Variants in PXDN observed in about 807,000 individuals in gnomAD.
PXDN encodes the protein peroxidasin, also known as peroxidasin homolog.
PXDN carries 77 observed loss-of-function variants against 140.3 expected under a neutral mutation model. That is an observed-to-expected ratio of 0.55 (90% confidence interval 0.46 to 0.66). PXDN has a LOEUF of 0.66. Among genes scored for constraint, PXDN ranks in the 30% least tolerant of loss-of-function variants. The pLI is 0.00. For missense variants in PXDN, 1,838 were observed against 2,039.5 expected (o/e 0.90, Z 1.90); for synonymous variants, 911 against 857.4 (o/e 1.06, Z -1.09).
chr2:1,699,737 A>ACAAAC (rs201358132), intron 1 of PXDN, among the ~76,000 whole-genome samples: 10 of 149,952 alleles, frequency 6.7e-5, no homozygotes, highest in Non-Finnish European at 1.5e-4. Context: ...AAACAAACAA[A>ACAAAC]AATAAATAAG....
chr2:1,691,788 G>A (rs559185566), intron 3 of PXDN, 140 bp downstream of exon 3: 9 of 585,130 alleles, frequency 1.5e-5, no homozygotes, highest in Middle Eastern at 4.6e-4. Flanking sequence ...CCAGCTAAAT[G>A]TTTACTCACC....
Position 1,740,325 on chromosome 2 carries a change from G to A in PXDN, c.200+3931C>T, listed in dbSNP as rs150209499. On this transcript the variant is annotated intron_variant, in intron 1 of 22. Coordinates refer to ENST00000252804, the MANE Select transcript of PXDN (RefSeq NM_012293.3). ...AGAGGTCCTCTCCGAAAGGCAGCCA[G>A]TTCTCCAAGGGAGGTCAGGGAAGCT... 9.8e-5 allele frequency among the ~76,000 whole-genome samples: 15 copies of A among 152,296 alleles called. No individual in the cohort carries two copies. In the East Asian group the frequency reaches 2.9e-3, roughly 30 times the overall value.
chr2:1,671,544 T>C (rs1376842364), intron 9 of PXDN, among the ~76,000 whole-genome samples: 1 of 152,222 alleles, frequency 6.6e-6, no homozygotes, highest in African/African-American at 2.4e-5. Flanking sequence ...GTATTTATCT[T>C]ACAACAAATT....
At chr2:1,692,875 G>A (rs961849042) in intron 2 of PXDN, among the ~76,000 whole-genome samples, 188 bp downstream of exon 2, 11 of 152,280 alleles carry the variant, frequency 7.2e-5, no homozygotes, top group Non-Finnish European at 1.5e-4. Flanking sequence ...GCCATGAGAC[G>A]AGAAACACAG....
At chr2:1,744,519 C>T (rs1211434508), upstream of PXDN, 9 of 1,285,176 alleles carry the variant, frequency 7.0e-6, no homozygotes, top group East Asian at 2.0e-4. Context: ...CGACTGCGCC[C>T]GCCCGGCCGC....
chr2:1,640,260 G>C (rs1284462733), intron 19 of PXDN, among the ~76,000 whole-genome samples: 1 of 152,230 alleles, frequency 6.6e-6, no homozygotes, highest in African/African-American at 2.4e-5. Context: ...AGTCTGTCTT[G>C]TACATCATCC....
At chr2:1,729,911 G>C (rs1056348312) in intron 1 of PXDN, among the ~76,000 whole-genome samples, 1 of 152,238 alleles carries the variant, frequency 6.6e-6, no homozygotes, top group Non-Finnish European at 1.5e-5. Context: ...TAACAATGAT[G>C]ATGGAGGCCT....
chr2:1,742,707 C>A (rs1685574510), intron 1 of PXDN, among the ~76,000 whole-genome samples: 1 of 152,184 alleles, frequency 6.6e-6, no homozygotes, highest in South Asian at 2.1e-4. Flanking sequence ...TTCTAAAAGT[C>A]CACTGCTGTT....
intron 1 of PXDN, among the ~76,000 whole-genome samples, chr2:1,711,687 A>C (rs962423023): frequency 6.6e-6 from 1 of 152,062 alleles, no homozygotes; most frequent in African/African-American, 2.4e-5. Context: ...CTGCCGAACC[A>C]CTAGGCTGAA....
intron 6 of PXDN, among the ~76,000 whole-genome samples, chr2:1,681,022 G>A (rs1481620033): frequency 1.3e-5 from 2 of 152,210 alleles, no homozygotes; most frequent in East Asian, 3.9e-4. Flanking sequence ...GGAAGAAGTT[G>A]TCTGGGGGAC....
chr2:1,719,066 G>A (rs944784965), intron 1 of PXDN, among the ~76,000 whole-genome samples: 3 of 152,236 alleles, frequency 2.0e-5, no homozygotes, highest in Non-Finnish European at 2.9e-5. Flanking sequence ...GAGACGCCAG[G>A]GGCCAGGGGC....
chr2:1,664,820 G>T, intron 11 of PXDN, 138 bp downstream of exon 11: 1 of 740,580 alleles, frequency 1.4e-6, no homozygotes, highest in South Asian at 1.9e-5. Context: ...GCGCTTCCCA[G>T]TGCCTTGGTC....
rs1683360348 is a variant in PXDN, at chr2:1,663,642, G to T, written c.1530C>A (p.Ser510=). Residue 510 remains serine (S), a synonymous_variant, in exon 12 of 23, where the codon TCC becomes TCA. Coordinates refer to ENST00000252804, the MANE Select transcript of PXDN (RefSeq NM_012293.3). The part of the protein sequence containing the change: ...YECQAVNIIG[S]QKVVAHLTVQ... ...CAGTCAGGTGGGCCACGACCTTCTG[G>T]GAGCCGATGATGTTGACAGCCTGGC... is the stretch of plus-strand genomic sequence containing the variant. The T allele has an allele frequency of 6.2e-7, 1 of 1,613,896 alleles. No individual in the cohort carries two copies. Among genetic ancestry groups the T allele is most frequent in the African/African-American group, 1.3e-5 (1 of 74,940 alleles).
chr2:1,675,348 G>A (rs955642696), intron 8 of PXDN, among the ~76,000 whole-genome samples: 2 of 152,146 alleles, frequency 1.3e-5, no homozygotes, highest in African/African-American at 2.4e-5. Context: ...TTTCAACTGC[G>A]GGCATCAATT....
intron 3 of PXDN, among the ~76,000 whole-genome samples, chr2:1,689,831 A>AT (rs1411663659): frequency 1.3e-5 from 2 of 152,018 alleles, no homozygotes; most frequent in African/African-American, 4.8e-5. Flanking sequence ...ATAAATTGTG[A>AT]TTTTCTACTT....
intron 1 of PXDN, among the ~76,000 whole-genome samples, chr2:1,719,959 AGG>A (rs1314395579): frequency 4.0e-5 from 3 of 75,328 alleles, no homozygotes; most frequent in African/African-American, 9.7e-5. Context: ...ATGCAGAGAG[AGG>A]GAGATGCACA....
In PXDN at chr2:1,665,085, G is replaced by C; in HGVS notation, c.1292-11C>G. Reference sequence around the variant, plus strand: ...TGAACTGAGGAAGAGCTTCCGGAGAGAAAGCATTCAAAACAGGACATGTAA... The same window carrying C: ...TGAACTGAGGAAGAGCTTCCGGAGACAAAGCATTCAAAACAGGACATGTAA... On this transcript the variant is annotated splice_polypyrimidine_tract_variant and intron_variant, in intron 10 of 22. Transcript: ENST00000252804. The C allele has an allele frequency of 6.4e-7, 1 of 1,566,722 alleles. No individual in the cohort carries two copies. The highest frequency in any genetic ancestry group is 1.4e-5 in the African/African-American group (1 of 73,948).
At position 1,693,075 on chromosome 2, in the gene PXDN, T is replaced by G; in HGVS notation, c.260A>C (p.Asn87Thr). ...IQPGAFRRLRNLNTLLLNNNQ... is the reference protein window; with the variant it reads ...IQPGAFRRLRTLNTLLLNNNQ... ...TATTTCCACTCACAATGTGTTCAAGTTCCTCAGCCGCCTGAATGCCCCAGG... is the reference window on the plus strand; with the variant it reads ...TATTTCCACTCACAATGTGTTCAAGGTCCTCAGCCGCCTGAATGCCCCAGG... The change falls in exon 2 of 23, where the codon AAC becomes ACC. Residue 87 changes from asparagine (N) to threonine (T), a missense_variant. Coordinates refer to ENST00000252804, the MANE Select transcript of PXDN (RefSeq NM_012293.3). 1 of 1,553,520 alleles carries G rather than the reference T, an allele frequency of 6.4e-7. No homozygotes were observed. Among genetic ancestry groups the G allele is most frequent in the South Asian group, 1.2e-5 (1 of 84,388 alleles).
In PXDN at chr2:1,649,660, TCGTTGTAGTGG is replaced by T; in HGVS notation, c.2109_2119del (p.Tyr703Ter). 6.2e-7 allele frequency: 1 copy of T among 1,613,794 alleles called. No homozygotes were observed. On this transcript the variant is annotated stop_gained and frameshift_variant, in exon 17 of 23. Transcript: ENST00000252804. LOFTEE classifies it high-confidence loss of function. The surrounding 1 kb of genome is among the most constrained non-coding windows in gnomAD (Gnocchi z 7.1). ...GTTCAGGTACTGTGGAGACACCAGGTCGTTGTAGTGGTAACCTGGGACGTGGAGAAAAGCAA... is the reference window on the plus strand; with the variant it reads ...GTTCAGGTACTGTGGAGACACCAGGTTAACCTGGGACGTGGAGAAAAGCAA...
Sources: allele counts gnomAD v4.1 joint callset (sites outside exome capture counted in the v4.1 genomes callset), GRCh38; gene constraint gnomAD v4.1.1; non-coding constraint Gnocchi (gnomAD v3.1); transcripts MANE v1.5; gene names NCBI Gene and HGNC (gene_info 2026-07-23, HGNC 2026-07-21).